Variants in UNKL observed in about 807,000 individuals in gnomAD.
UNKL encodes the protein putative E3 ubiquitin-protein ligase UNKL.
In UNKL, 60 loss-of-function variants were observed where a neutral mutation model predicts 78.0. The observed-to-expected ratio is 0.77, with a 90% CI of 0.63 to 0.95. UNKL has a LOEUF of 0.95. Among genes scored for constraint, UNKL ranks in the 40% least tolerant of loss-of-function variants. UNKL has a pLI of 0.00. For synonymous variants in UNKL, 608 were observed against 474.8 expected (o/e 1.28, Z -3.65); for missense variants, 1,159 against 1,045.7 (o/e 1.11, Z -1.49).
rs1426063023 is a variant in UNKL, at chr16:1,364,282, A to G, written c.*1958T>C. On this transcript the variant is annotated 3_prime_UTR_variant, in exon 15 of 15. Coordinates refer to ENST00000389221, the MANE Select transcript of UNKL (RefSeq NM_001372107.1). The stretch of plus-strand genomic sequence containing the variant: ...TTTAAAACAACAGAATGTTGCTATC[A>G]GTTTGTCTTACGTTAAAACAGTTCT... 6.6e-6 allele frequency: 1 copy of G among 152,248 alleles called. No homozygotes were observed. Among genetic ancestry groups the G allele is most frequent in the Non-Finnish European group, 1.5e-5 (1 of 68,044 alleles). The allele number at this position is 152,248 out of a possible 1,614,324, so 9.4% of individuals were successfully genotyped here.
rs1337086112 is a variant in UNKL, at chr16:1,363,497, CTG to C, written c.*2741_*2742del. The C allele has an allele frequency of 3.4e-6, 1 of 296,798 alleles. No homozygotes were observed. The highest frequency in any genetic ancestry group is 6.6e-6 in the Non-Finnish European group (1 of 151,772). 18.4% of individuals were successfully genotyped at this position (296,798 alleles called of 1,614,324 possible). A position where few individuals can be genotyped will look rare whatever the true frequency, so the allele number is the denominator to read the frequency against. Reference sequence around the variant, plus strand: ...CACAGTTACACACGTCGTGACACCACTGTATCACGGCGAATGTCGAACACTAG... The same window carrying C: ...CACAGTTACACACGTCGTGACACCACTATCACGGCGAATGTCGAACACTAG... On this transcript the variant is annotated 3_prime_UTR_variant, in exon 15 of 15. Transcript: ENST00000389221.
At chr16:1,409,093 A>G (rs565445538) in intron 2 of UNKL, among the ~76,000 whole-genome samples, 154 of 151,978 alleles carry the variant, frequency 1.0e-3, no homozygotes, top group African/African-American at 3.5e-3. Flanking sequence ...ATTTTTCTGT[A>G]TTTTTAGTAG....
In UNKL at chr16:1,403,845, G is replaced by A. The variant is rs1027784141; in HGVS notation, c.288-501C>T. 4.6e-5 allele frequency among the ~76,000 whole-genome samples: 7 copies of A among 152,140 alleles called. No homozygotes were observed. Among genetic ancestry groups the A allele is most frequent in the South Asian group, 2.1e-4 (1 of 4,826 alleles). On this transcript the variant is annotated intron_variant, in intron 2 of 14. Coordinates refer to ENST00000389221, the MANE Select transcript of UNKL (RefSeq NM_001372107.1). The surrounding 1 kb of genome is among the most constrained non-coding windows in gnomAD (Gnocchi z 4.8). ...GGAACAAGCACAGGGCCCTGGACGC[G>A]GCTTGGGGGACACGAGGGGGATGGG...
intron 10 of UNKL, 86 bp from the exon 11 acceptor site, chr16:1,371,697 T>C (rs2035853493): frequency 7.1e-7 from 1 of 1,404,926 alleles, no homozygotes; most frequent in Non-Finnish European, 9.6e-7. Context: ...CCGTCCCACC[T>C]GGGCTTAGAG....
At position 1,366,292 on chromosome 16, in the gene UNKL, G is replaced by A. The variant is rs746425238; in HGVS notation, c.2150C>T (p.Ala717Val). 14 of 1,596,392 alleles carry A rather than the reference G, an allele frequency of 8.8e-6. No homozygotes were observed. The highest frequency in any genetic ancestry group is 5.2e-5 in the Admixed American group (3 of 57,960). Residue 717 changes from alanine to valine, a missense_variant, in exon 15 of 15, where the codon GCG becomes GTG. Physicochemically the swap from Ala to Val is moderately conservative, Grantham distance 64. Transcript: ENST00000389221. ...CQHHILCEPC[A>V]ATAPECPYCK... ...GTAGGGGCACTCAGGTGCGGTGGCC[G>A]CACACGGCTCACAGAGGATGTGGTG...
intron 9 of UNKL, among the ~76,000 whole-genome samples, chr16:1,389,037 C>T (rs1234551594): frequency 1.3e-5 from 2 of 152,352 alleles, no homozygotes; most frequent in African/African-American, 2.4e-5. Context: ...GCTCTGACCC[C>T]GTGAACACTT....
rs2036867259 is a variant in UNKL at position 1,387,665 on chromosome 16, C to G, written c.1087-2280G>C. Among the ~76,000 whole-genome samples the G allele has an allele frequency of 6.6e-6, 1 of 152,134 alleles. No homozygotes were observed. The highest frequency in any genetic ancestry group is 1.5e-5 in the Non-Finnish European group (1 of 68,008). Reference sequence around the variant, plus strand: ...CTCACCGCATCCAGCAGCTATCACTCAGAACCAAAAGCTCAGGATGGCAAC... The same window carrying G: ...CTCACCGCATCCAGCAGCTATCACTGAGAACCAAAAGCTCAGGATGGCAAC... On this transcript the variant is annotated intron_variant, in intron 9 of 14. Coordinates refer to ENST00000389221, the MANE Select transcript of UNKL (RefSeq NM_001372107.1). This position sits in a 1 kb window ranked among gnomAD's most constrained non-coding sequence, Gnocchi z 4.1.
intron 9 of UNKL, among the ~76,000 whole-genome samples, chr16:1,390,003 C>G (rs2036977697): frequency 6.6e-6 from 1 of 152,004 alleles, no homozygotes; most frequent in African/African-American, 2.4e-5. Flanking sequence ...TTCATTCATT[C>G]AGAGACAGAG....
intron 2 of UNKL, 105 bp downstream of exon 2, chr16:1,413,741 G>C: frequency 1.6e-6 from 2 of 1,254,894 alleles, no homozygotes; most frequent in Non-Finnish European, 2.2e-6. Context: ...CCTCTGCAGG[G>C]GCCAGGTATG....
intron 10 of UNKL, among the ~76,000 whole-genome samples, chr16:1,372,198 A>G (rs1428700215): frequency 6.6e-6 from 1 of 152,094 alleles, no homozygotes; most frequent in Non-Finnish European, 1.5e-5. Context: ...CCAGAGGCGG[A>G]GCTTGCAGTG....
At chr16:1,382,566 C>G (rs1030037034) in intron 10 of UNKL, among the ~76,000 whole-genome samples, 1 of 152,176 alleles carries the variant, frequency 6.6e-6, no homozygotes, top group Admixed American at 6.5e-5. Context: ...GGAGGGTTCT[C>G]CGGCAGGTGC....
rs962443824 is a variant in UNKL at position 1,414,024 on chromosome 16, G to A, written c.109C>T (p.Pro37Ser). ...YLKEFRTEQCPLFSQHKCAQH... is the reference protein window; with the variant it reads ...YLKEFRTEQCSLFSQHKCAQH... ...GCGCACTTGTGCTGTGAAAACAGGG[G>A]GCACTGCTCCGTCCTGAACTCCTTC... The change falls in exon 2 of 15, where the codon CCC (proline) becomes TCC (serine). Residue 37 changes from proline to serine, a missense_variant. Pro to Ser is a moderately conservative substitution (Grantham distance 74). Coordinates refer to ENST00000389221, the MANE Select transcript of UNKL (RefSeq NM_001372107.1). 6 of 1,550,802 alleles carry A rather than the reference G, an allele frequency of 3.9e-6. No homozygotes were observed. Among genetic ancestry groups the A allele is most frequent in the African/African-American group, 1.4e-5 (1 of 73,020 alleles).
intron 12 of UNKL, among the ~76,000 whole-genome samples, chr16:1,368,698 T>G (rs1378450654): frequency 6.7e-6 from 1 of 150,216 alleles, no homozygotes; most frequent in Non-Finnish European, 1.5e-5. Flanking sequence ...GTCAGGAGTT[T>G]GAGACCAGTA....
chr16:1,386,722 A>T (rs768162101), intron 9 of UNKL, among the ~76,000 whole-genome samples: 2 of 152,236 alleles, frequency 1.3e-5, no homozygotes, highest in Non-Finnish European at 2.9e-5. Flanking sequence ...TTTCCTAAAG[A>T]TCAGAAATCC....
intron 8 of UNKL, among the ~76,000 whole-genome samples, chr16:1,391,844 C>T (rs922179494): frequency 2.0e-5 from 3 of 152,144 alleles, no homozygotes; most frequent in African/African-American, 7.2e-5. Context: ...CACGCCACCA[C>T]GCCCGGCTAA....
chr16:1,414,600 C>A lies in UNKL; in HGVS notation c.77+15G>T. Reference sequence around the variant, plus strand: ...CGGGCGCGGGCGGGGGGCCGCAGGCCGGACGGGCGCTGACCTGTAGTGGGT... The same window carrying A: ...CGGGCGCGGGCGGGGGGCCGCAGGCAGGACGGGCGCTGACCTGTAGTGGGT... On this transcript the variant is annotated intron_variant, in intron 1 of 14. Coordinates refer to ENST00000389221, the MANE Select transcript of UNKL (RefSeq NM_001372107.1). 2 of 1,034,538 alleles carry A rather than the reference C, an allele frequency of 1.9e-6. No homozygotes were observed. The highest frequency in any genetic ancestry group is 2.3e-6 in the Non-Finnish European group (2 of 857,488). The allele number at this position is 1,034,538 out of a possible 1,614,324, so 64.1% of individuals were successfully genotyped here.
Position 1,365,520 on chromosome 16 carries a change from A to T in UNKL, c.*720T>A, listed in dbSNP as rs534786226. 1 of 152,686 alleles carries T rather than the reference A, an allele frequency of 6.5e-6. No individual in the cohort carries two copies. Among genetic ancestry groups the T allele is most frequent in the East Asian group, 1.9e-4 (1 of 5,176 alleles). The allele number at this position is 152,686 out of a possible 1,614,324, so 9.5% of individuals were successfully genotyped here. A position where few individuals can be genotyped will look rare whatever the true frequency, so the allele number is the denominator to read the frequency against. ...GCCACGAGGCTGGAACATCAGCCCC[A>T]GTGCCTGGTGCACACACAGGCTCAG... On this transcript the variant is annotated 3_prime_UTR_variant, in exon 15 of 15. Transcript: ENST00000389221.
chr16:1,367,254 C>G lies in UNKL; in HGVS notation c.1884G>C (p.Glu628Asp). The change falls in exon 14 of 15, where the codon GAG (glutamate) becomes GAC (aspartate). Residue 628 changes from glutamate (E) to aspartate (D), a missense_variant. Transcript: ENST00000389221. Reference sequence around the variant, plus strand: ...GCAGCTGCTTCACCTGTGCCTCCACCTCCTCCTTCTTCTGCAGCGCCAGCT... The same window carrying G: ...GCAGCTGCTTCACCTGTGCCTCCACGTCCTCCTTCTTCTGCAGCGCCAGCT... ...DRQLALQKKEEVEAQVKQLQE... is the reference protein window; with the variant it reads ...DRQLALQKKEDVEAQVKQLQE... The G allele has an allele frequency of 6.3e-7, 1 of 1,587,586 alleles. No individual in the cohort carries two copies. The highest frequency in any genetic ancestry group is 8.5e-7 in the Non-Finnish European group (1 of 1,170,910).
At chr16:1,409,342 C>G (rs1303125258) in intron 2 of UNKL, among the ~76,000 whole-genome samples, 2 of 152,168 alleles carry the variant, frequency 1.3e-5, no homozygotes, top group African/African-American at 4.8e-5. Flanking sequence ...ATAGGACAAA[C>G]TGGCTATTCC....
Sources: gnomAD v4.1 joint callset for allele counts (sites outside exome capture counted in the v4.1 genomes callset) on GRCh38, gnomAD v4.1.1 for gene constraint, Gnocchi (gnomAD v3.1) non-coding constraint, MANE v1.5 for transcripts, NCBI Gene and HGNC (gene_info 2026-07-23, HGNC 2026-07-21) for gene names.